CFAP20DC: variants seen among roughly 807,000 people sequenced by gnomAD.
The protein encoded by CFAP20DC is CFAP20 domain containing, also known as protein CFAP20DC.
A neutral mutation model predicts 101.7 loss-of-function variants in CFAP20DC; 84 were observed. That is an observed-to-expected ratio of 0.83 (90% CI 0.69 to 0.99). The LOEUF is 0.99. Among genes scored for constraint, CFAP20DC ranks in the 50% least tolerant of loss-of-function variants. The pLI, the probability that CFAP20DC is intolerant of heterozygous loss-of-function variation, is 0.00. For synonymous variants in CFAP20DC, 359 were observed against 351.2 expected (o/e 1.02, Z -0.25); for missense variants, 1,007 against 970.3 (o/e 1.04, Z -0.50).
At chr3:58,961,080 C>A (rs1030757536) in intron 4 of CFAP20DC, among the ~76,000 whole-genome samples, 1 of 152,226 alleles carries the variant, frequency 6.6e-6, no homozygotes, top group Non-Finnish European at 1.5e-5. Context: ...CCTTTCATTA[C>A]TGGGATAAAT....
At chr3:58,931,274 C>G (rs527370152) in intron 5 of CFAP20DC, among the ~76,000 whole-genome samples, 1 of 152,154 alleles carries the variant, frequency 6.6e-6, no homozygotes, top group Non-Finnish European at 1.5e-5. Context: ...CCAGGAAGCT[C>G]GAACTGGGTG....
chr3:59,011,943 A>G (rs1470889077), intron 4 of CFAP20DC, among the ~76,000 whole-genome samples: 1 of 152,208 alleles, frequency 6.6e-6, no homozygotes, highest in Non-Finnish European at 1.5e-5. Flanking sequence ...TGAAAGGTGC[A>G]GAGAGTTTAA....
chr3:58,869,616 A>C lies in CFAP20DC; in HGVS notation c.853-126T>G. ...GAAAAAAACTAGAGGAAATGAGGTTAAGATGTGAAGAAAAAGGAAATTATT... is the reference window on the plus strand; with the variant it reads ...GAAAAAAACTAGAGGAAATGAGGTTCAGATGTGAAGAAAAAGGAAATTATT... On this transcript the variant is annotated intron_variant, in intron 8 of 16. Coordinates refer to ENST00000482387, the MANE Select transcript of CFAP20DC (RefSeq NM_001394063.1). This position sits in a 1 kb window ranked among gnomAD's most constrained non-coding sequence, Gnocchi z 4.3. 1.6e-6 allele frequency: 1 copy of C among 635,262 alleles called. No individual in the cohort carries two copies. The highest frequency in any genetic ancestry group is 2.5e-6 in the Non-Finnish European group (1 of 406,182). 39.4% of individuals were successfully genotyped at this position (635,262 alleles called of 1,614,324 possible).
Position 58,849,409 on chromosome 3 carries a change from C to T in CFAP20DC, c.1594G>A (p.Gly532Ser). 2.7e-6 allele frequency: 4 copies of T among 1,506,902 alleles called. No individual in the cohort carries two copies. In the South Asian group the frequency reaches 5.1e-5, roughly 19 times the overall value. The allele number at this position is 1,506,902 out of a possible 1,614,324, so 93.3% of individuals were successfully genotyped here. ...DFYGGDSSEE[G>S]NHSIQGSRGP... is the part of the protein sequence containing the mutation. ...CGAGAACCCTGGATACTGTGGTTACCCTATGTTGGGGAACAAAGTAAAAAT... is the reference window on the plus strand; with the variant it reads ...CGAGAACCCTGGATACTGTGGTTACTCTATGTTGGGGAACAAAGTAAAAAT... The change falls in exon 13 of 17, where the codon GGT (glycine) becomes AGT (serine). Residue 532 changes from glycine (G) to serine (S), a missense_variant and splice_region_variant. By Grantham distance (56) the Gly-to-Ser change is moderately conservative. Transcript: ENST00000482387.
At chr3:59,025,313 A>C (rs1308563742) in intron 4 of CFAP20DC, among the ~76,000 whole-genome samples, 1 of 152,150 alleles carries the variant, frequency 6.6e-6, no homozygotes, top group East Asian at 1.9e-4. Context: ...GAGGCTCCCA[A>C]GGAAAAGCTG....
At chr3:58,934,296 A>G (rs944968138) in intron 5 of CFAP20DC, among the ~76,000 whole-genome samples, 1 of 152,226 alleles carries the variant, frequency 6.6e-6, no homozygotes, top group Non-Finnish European at 1.5e-5. Context: ...TACTAACGAA[A>G]AAGAGTCCAG....
chr3:58,893,576 A>C (rs2082425740), intron 6 of CFAP20DC, among the ~76,000 whole-genome samples: 8 of 152,184 alleles, frequency 5.3e-5, no homozygotes, highest in Admixed American at 5.2e-4. Flanking sequence ...AATGTTCATC[A>C]AGGATATTGG....
intron 4 of CFAP20DC, among the ~76,000 whole-genome samples, chr3:58,941,460 T>C (rs894677307): frequency 6.6e-6 from 1 of 152,136 alleles, no homozygotes; most frequent in East Asian, 1.9e-4. Context: ...CACTCTTGAG[T>C]TCCAGTAGTT....
intron 5 of CFAP20DC, among the ~76,000 whole-genome samples, chr3:58,935,315 G>A (rs2087386603): frequency 6.6e-6 from 1 of 151,954 alleles, no homozygotes; most frequent in South Asian, 2.1e-4. Flanking sequence ...TCATGGGTAG[G>A]AAGAATCAAT....
intron 4 of CFAP20DC, among the ~76,000 whole-genome samples, chr3:58,946,994 T>C (rs894739706): frequency 5.3e-5 from 8 of 152,186 alleles, no homozygotes; most frequent in Non-Finnish European, 8.8e-5. Context: ...TCAGAGACAT[T>C]AAGCAACTTG....
intron 15 of CFAP20DC, among the ~76,000 whole-genome samples, chr3:58,791,283 C>T (rs575589650): frequency 6.6e-6 from 1 of 152,010 alleles, no homozygotes; most frequent in Non-Finnish European, 1.5e-5. Flanking sequence ...AATATATATG[C>T]CAGGCCCTAT....
rs57175313 is a variant in CFAP20DC, at chr3:58,869,581, T to C, written c.853-91A>G. 1.1e-3 allele frequency: 1,078 copies of C among 1,015,108 alleles called. 13 individuals are homozygous for C. The African/African-American group carries it at 0.016, about 15-fold the overall frequency. The allele number at this position is 1,015,108 out of a possible 1,614,324, so 62.9% of individuals were successfully genotyped here. ...ATAGAAAACATAATATTTGGACCAA[T>C]GAAGAGTGAGAAAAAAACTAGAGGA... On this transcript the variant is annotated intron_variant, in intron 8 of 16. Transcript: ENST00000482387. The surrounding 1 kb of genome is among the most constrained non-coding windows in gnomAD (Gnocchi z 4.3).
At chr3:58,960,630 T>C (rs183773436) in intron 4 of CFAP20DC, among the ~76,000 whole-genome samples, 1 of 152,342 alleles carries the variant, frequency 6.6e-6, no homozygotes, top group East Asian at 1.9e-4. Flanking sequence ...TTGACTTTCA[T>C]ATTCTGCAAC....
At chr3:59,024,663 A>C (rs2093861458) in intron 4 of CFAP20DC, among the ~76,000 whole-genome samples, 1 of 152,228 alleles carries the variant, frequency 6.6e-6, no homozygotes. Context: ...CCCTAGAGAC[A>C]CCAGCCCTTC....
chr3:58,786,361 G>A (rs2072338777), intron 15 of CFAP20DC, among the ~76,000 whole-genome samples: 1 of 152,120 alleles, frequency 6.6e-6, no homozygotes, highest in Non-Finnish European at 1.5e-5. Flanking sequence ...AGAGATGGAG[G>A]CAGACAGTAA....
At chr3:58,921,601 C>A (rs542884427) in intron 5 of CFAP20DC, among the ~76,000 whole-genome samples, 142 of 152,146 alleles carry the variant, frequency 9.3e-4, no homozygotes, top group Non-Finnish European at 1.6e-3. Context: ...ACAGGGCATC[C>A]TATGTATGAT....
chr3:58,857,829 C>A (rs2078957167), intron 12 of CFAP20DC, among the ~76,000 whole-genome samples: 1 of 152,118 alleles, frequency 6.6e-6, no homozygotes, highest in African/African-American at 2.4e-5. Context: ...ACTGGCATAA[C>A]CCTATTCCTC....
At chr3:59,019,681 A>G (rs2093763445) in intron 4 of CFAP20DC, among the ~76,000 whole-genome samples, 1 of 152,110 alleles carries the variant, frequency 6.6e-6, no homozygotes, top group Non-Finnish European at 1.5e-5. Flanking sequence ...AAAACAGATT[A>G]GCAGAATGGT....
At chr3:58,719,988 G>A (rs2067448350) in intron 3 of CFAP20DC, among the ~76,000 whole-genome samples, 1 of 152,236 alleles carries the variant, frequency 6.6e-6, no homozygotes, top group Non-Finnish European at 1.5e-5. Flanking sequence ...TGCCAATCTG[G>A]TTAAATGTCT....
Sources: gnomAD v4.1 joint callset for allele counts (sites outside exome capture counted in the v4.1 genomes callset) on GRCh38, gnomAD v4.1.1 for gene constraint, Gnocchi (gnomAD v3.1) non-coding constraint, MANE v1.5 for transcripts, NCBI Gene and HGNC (gene_info 2026-07-23, HGNC 2026-07-21) for gene names.